DAB1: variants seen among roughly 807,000 people sequenced by gnomAD.
DAB1 encodes DAB adaptor protein 1.
DAB1 carries 15 observed loss-of-function variants against 64.6 expected under a neutral mutation model. The observed-to-expected ratio is 0.23, with a 90% CI of 0.16 to 0.36. The LOEUF (loss-of-function observed/expected upper bound fraction) is 0.36, where lower values mean the gene tolerates loss of function less well. Among genes scored for constraint, DAB1 ranks in the 10% least tolerant of loss-of-function variants. The pLI, the probability that DAB1 is intolerant of heterozygous loss-of-function variation, is 1.00. For missense variants in DAB1, 596 were observed against 706.7 expected (o/e 0.84, Z 1.78); for synonymous variants, 235 against 251.9 (o/e 0.93, Z 0.64).
At chr1:57,098,356 A>G (rs1381468903) in intron 4 of DAB1, among the ~76,000 whole-genome samples, 4 of 152,108 alleles carry the variant, frequency 2.6e-5, no homozygotes, top group African/African-American at 7.2e-5. Flanking sequence ...GGAAACTTAG[A>G]CTCAGAGGGG....
At position 57,524,762 on chromosome 1, in the gene DAB1, C is replaced by A. The variant is rs371796571; in HGVS notation, n.625+124830G>T. 2.0e-4 allele frequency among the ~76,000 whole-genome samples: 31 copies of A among 152,288 alleles called. No individual in the cohort carries two copies. In the South Asian group the frequency reaches 5.0e-3, roughly 24 times the overall value. On this transcript the variant is annotated intron_variant and non_coding_transcript_variant, in intron 7 of 20. Transcript: ENST00000485760. ...TCATCAGTTAAGGTTATTTTTACTT[C>A]TTTTGTGGATCTTCAGTTACTTCAG...
At chr1:57,299,790 G>A (rs1673482907) in intron 1 of DAB1, among the ~76,000 whole-genome samples, 3 of 152,212 alleles carry the variant, frequency 2.0e-5, no homozygotes, top group Admixed American at 6.5e-5. Context: ...GCCTGACTCC[G>A]CCATTGACTG....
intron 2 of DAB1, among the ~76,000 whole-genome samples, chr1:57,289,217 C>T (rs899081322): frequency 6.6e-6 from 1 of 152,196 alleles, no homozygotes; most frequent in African/African-American, 2.4e-5. Flanking sequence ...CTGCAGAATA[C>T]TTCTGGTTTT....
chr1:57,971,845 A>T lies in DAB1; in HGVS notation n.388-87683T>A, dbSNP rs1426494626. Reference sequence around the variant, plus strand: ...ATATCTTTCATTATGTACCAATAATAATCAGTTAGCCAAACCAGATATACC... The same window carrying T: ...ATATCTTTCATTATGTACCAATAATTATCAGTTAGCCAAACCAGATATACC... On this transcript the variant is annotated intron_variant and non_coding_transcript_variant, in intron 5 of 20. Transcript: ENST00000485760. Among the ~76,000 whole-genome samples, 6 of 152,212 alleles carry T rather than the reference A, an allele frequency of 3.9e-5. No homozygotes were observed. The East Asian group carries it at 9.6e-4, about 24-fold the overall frequency.
At chr1:58,174,200 G>A (rs1046655677) in intron 4 of DAB1, among the ~76,000 whole-genome samples, 8 of 152,146 alleles carry the variant, frequency 5.3e-5, no homozygotes, top group African/African-American at 1.4e-4. Context: ...GGCATTTACA[G>A]GAAAAGGCTT....
At chr1:57,690,520 GT>G (rs1228621054) in intron 6 of DAB1, among the ~76,000 whole-genome samples, 1 of 152,108 alleles carries the variant, frequency 6.6e-6, no homozygotes, top group Non-Finnish European at 1.5e-5. Context: ...ATGACTGAAA[GT>G]TTCCTCAGGT....
In DAB1 at chr1:58,466,416, C is replaced by T. The variant is rs181570117; in HGVS notation, n.257+39644G>A. On this transcript the variant is annotated intron_variant and non_coding_transcript_variant, in intron 3 of 20. Coordinates refer to the DAB1 transcript ENST00000485760. ...ATTTCTTGCATGTTTAATCCTGTCT[C>T]GGTTTCTGCTTTCTCGGAGGGCCTG... 3.3e-4 allele frequency among the ~76,000 whole-genome samples: 50 copies of T among 152,108 alleles called. No homozygotes were observed. The East Asian group carries it at 8.7e-3, about 26-fold the overall frequency.
chr1:58,445,646 G>A (rs912780639), intron 3 of DAB1, among the ~76,000 whole-genome samples: 4 of 152,222 alleles, frequency 2.6e-5, no homozygotes, highest in Non-Finnish European at 4.4e-5. Flanking sequence ...GATGTGTGGC[G>A]AGAGATGTGC....
chr1:58,472,810 T>G (rs141243331), intron 3 of DAB1, among the ~76,000 whole-genome samples: 2,791 of 152,302 alleles, frequency 0.018, 26 homozygotes, highest in Non-Finnish European at 0.031. Flanking sequence ...AATGGAGTCC[T>G]GGAAAGAAGA....
chr1:57,204,086 C>T (rs1419061836), intron 2 of DAB1, among the ~76,000 whole-genome samples: 4 of 152,054 alleles, frequency 2.6e-5, no homozygotes, highest in Non-Finnish European at 5.9e-5. Context: ...GATGAGGTTT[C>T]ACCATGTTGA....
intron 4 of DAB1, among the ~76,000 whole-genome samples, chr1:58,285,396 T>C (rs580062): frequency 0.92 from 140,294 of 152,244 alleles, 64,646 homozygotes; most frequent in South Asian, 0.95. Flanking sequence ...GAAATATCCC[T>C]GTATTTAACA....
At chr1:58,048,128 C>T (rs1647364987) in intron 5 of DAB1, 4 of 1,098,428 alleles carry the variant, frequency 3.6e-6, no homozygotes, top group Non-Finnish European at 5.5e-6. Context: ...CTATAGCTTC[C>T]CTGTCACTTC....
chr1:57,140,424 C>T (rs1337392915), intron 3 of DAB1, among the ~76,000 whole-genome samples: 1 of 152,140 alleles, frequency 6.6e-6, no homozygotes, highest in Non-Finnish European at 1.5e-5. Context: ...GAAAGTCAAA[C>T]AGTGATCTTT....
intron 4 of DAB1, among the ~76,000 whole-genome samples, chr1:58,266,396 G>A (rs1196082061): frequency 1.3e-5 from 2 of 152,170 alleles, no homozygotes; most frequent in Non-Finnish European, 2.9e-5. Context: ...TCTGCTGCCA[G>A]GAAACAGCAG....
intron 5 of DAB1, among the ~76,000 whole-genome samples, chr1:58,076,892 G>T (rs1056709658): frequency 1.3e-5 from 2 of 152,164 alleles, no homozygotes; most frequent in Non-Finnish European, 2.9e-5. Context: ...GATGTTCATG[G>T]AATGAAGCTG....
intron 3 of DAB1, among the ~76,000 whole-genome samples, chr1:58,480,245 G>A (rs1349290724): frequency 2.6e-5 from 4 of 152,016 alleles, no homozygotes; most frequent in African/African-American, 9.7e-5. Context: ...CCTTGCCTTT[G>A]CCTCTTTTTC....
chr1:57,627,837 G>A (rs1423234521), intron 7 of DAB1, among the ~76,000 whole-genome samples: 1 of 152,148 alleles, frequency 6.6e-6, no homozygotes, highest in Non-Finnish European at 1.5e-5. Flanking sequence ...GGGTGGGGTG[G>A]GCAACAGGCC....
At position 57,117,006 on chromosome 1, in the gene DAB1, G is replaced by A. The variant is rs3768172; in HGVS notation, c.306+19537C>T. On this transcript the variant is annotated intron_variant, in intron 4 of 14. Transcript: ENST00000371236. Reference sequence around the variant, plus strand: ...TCCAGCAGACAGCAAAATGAGAGTCGAAGACAGTCACAGATCTTCTAATTT... The same window carrying A: ...TCCAGCAGACAGCAAAATGAGAGTCAAAGACAGTCACAGATCTTCTAATTT... Among the ~76,000 whole-genome samples the A allele has an allele frequency of 1.5e-4, 23 of 152,224 alleles. No homozygotes were observed. In the East Asian group the frequency reaches 4.1e-3, roughly 27 times the overall value.
At chr1:57,179,045 C>A (rs1271314422) in intron 2 of DAB1, among the ~76,000 whole-genome samples, 1 of 152,136 alleles carries the variant, frequency 6.6e-6, no homozygotes, top group Non-Finnish European at 1.5e-5. Context: ...CTCAGGGAAT[C>A]CACTACTTGA....
Sources: gnomAD v4.1 joint callset for allele counts (sites outside exome capture counted in the v4.1 genomes callset) on GRCh38, gnomAD v4.1.1 for gene constraint, MANE v1.5 for transcripts, NCBI Gene and HGNC (gene_info 2026-07-23, HGNC 2026-07-21) for gene names.